CASR: variants seen among roughly 807,000 people sequenced by gnomAD.
CASR encodes the protein calcium sensing receptor.
In CASR, 23 loss-of-function variants were observed where a neutral mutation model predicts 69.1. The ratio of observed to expected loss-of-function variants is 0.33; its 90% confidence interval spans 0.24 to 0.47. CASR has a LOEUF of 0.47. Among genes scored for constraint, CASR ranks in the 20% least tolerant of loss-of-function variants. CASR has a pLI of 1.00. For synonymous variants in CASR, 541 were observed against 544.7 expected, an observed-to-expected ratio of 0.99 and a Z score of 0.10; for missense variants, 924 against 1,356.1, an observed-to-expected ratio of 0.68 and a Z score of 5.00.
Position 122,283,841 on chromosome 3 carries a change from T to C in CASR, c.1887T>C (p.Phe629=), listed in dbSNP as rs750220557. The C allele has an allele frequency of 1.2e-6, 2 of 1,614,098 alleles. No individual in the cohort carries two copies. The highest frequency in any genetic ancestry group is 4.5e-5 in the East Asian group (2 of 44,870). The stretch of plus-strand genomic sequence containing the variant: ...TGCTGGGCATTTTCCTGACAGCCTT[T>C]GTGCTGGGTGTGTTTATCAAGTTCC... The part of the protein sequence containing the change: ...FAVLGIFLTA[F]VLGVFIKFRN... Residue 629 remains phenylalanine (F), a synonymous_variant, in exon 7 of 7, where the codon TTT becomes TTC. Transcript: ENST00000639785.
intron 1 of CASR, among the ~76,000 whole-genome samples, chr3:122,193,068 T>A (rs1297041616): frequency 6.6e-6 from 1 of 152,214 alleles, no homozygotes; most frequent in African/African-American, 2.4e-5. Context: ...CTCACTCTAA[T>A]CCACTCCTTC....
chr3:122,188,248 A>G (rs1322192327), intron 1 of CASR, among the ~76,000 whole-genome samples: 1 of 152,232 alleles, frequency 6.6e-6, no homozygotes, highest in Non-Finnish European at 1.5e-5. Context: ...CGGTCATGGC[A>G]GCAGCCATGG....
In CASR at chr3:122,261,965, C is replaced by T. The variant is rs201737357; in HGVS notation, c.930C>T (p.Tyr310=). Residue 310 remains tyrosine, a synonymous_variant, in exon 4 of 7, where the codon TAC becomes TAT. Transcript: ENST00000639785. ...CCTCCCTGATCGCCATGCCTCAGTA[C>T]TTCCACGTGGTTGGCGGCACCATTG... ...ASSSLIAMPQ[Y]FHVVGGTIGF... The T allele has an allele frequency of 3.1e-6, 5 of 1,614,204 alleles. No individual in the cohort carries two copies. The highest frequency in any genetic ancestry group is 4.5e-5 in the East Asian group (2 of 44,882).
rs200883282 is a variant in CASR, at chr3:122,284,634, G to T, written c.2680G>T (p.Val894Phe). 7 of 1,614,020 alleles carry T rather than the reference G, an allele frequency of 4.3e-6. No individual in the cohort carries two copies. In the South Asian group the frequency reaches 6.6e-5, roughly 15 times the overall value. Reference sequence around the variant, plus strand: ...CCGGGCCACGCTGCGCCGCAGCAACGTCTCCCGCAAGCGGTCCAGCAGCCT... The same window carrying T: ...CCGGGCCACGCTGCGCCGCAGCAACTTCTCCCGCAAGCGGTCCAGCAGCCT... The part of the protein sequence containing the change: ...AARATLRRSN[V>F]SRKRSSSLGG... Residue 894 changes from valine to phenylalanine, a missense_variant, in exon 7 of 7, where the codon GTC (valine) becomes TTC (phenylalanine). Transcript: ENST00000639785.
chr3:122,210,659 C>G (rs1232480425), intron 1 of CASR, among the ~76,000 whole-genome samples: 2 of 152,208 alleles, frequency 1.3e-5, no homozygotes, highest in African/African-American at 4.8e-5. Context: ...AATGGCCTTA[C>G]TGCACAAAGT....
intron 1 of CASR, among the ~76,000 whole-genome samples, chr3:122,228,334 CAGCATATAATG>C (rs1170477356): frequency 1.4e-4 from 22 of 152,290 alleles, no homozygotes; most frequent in Admixed American, 1.4e-3. Context: ...TTTAAATTAT[CAGCATATAATG>C]AGCATTTTCC....
chr3:122,232,561 G>A (rs886770878), intron 1 of CASR, among the ~76,000 whole-genome samples: 4 of 152,216 alleles, frequency 2.6e-5, no homozygotes, highest in Non-Finnish European at 5.9e-5. Flanking sequence ...CAGGCTAGGT[G>A]CCAAGAGAGG....
At chr3:122,257,460 T>A (rs549715121) in intron 3 of CASR, 73 bp downstream of exon 3, 3 of 1,089,458 alleles carry the variant, frequency 2.8e-6, no homozygotes, top group African/African-American at 3.1e-5. Flanking sequence ...CCATGCCCAA[T>A]AGCCATACGG....
intron 1 of CASR, among the ~76,000 whole-genome samples, chr3:122,248,461 T>C (rs1045584947): frequency 1.3e-5 from 2 of 152,238 alleles, no homozygotes; most frequent in Non-Finnish European, 2.9e-5. Context: ...ACCCTACTGT[T>C]AGTATCTTTA....
intron 1 of CASR, among the ~76,000 whole-genome samples, chr3:122,228,644 G>A (rs2074250079): frequency 1.3e-5 from 2 of 152,228 alleles, no homozygotes; most frequent in Admixed American, 1.3e-4. Flanking sequence ...AGTAGAAGGG[G>A]CTGAACAGGA....
intron 1 of CASR, among the ~76,000 whole-genome samples, chr3:122,189,710 G>A (rs2073821952): frequency 6.6e-6 from 1 of 152,132 alleles, no homozygotes; most frequent in South Asian, 2.1e-4. Flanking sequence ...TTTTCTGTTG[G>A]TAGAGTTCCT....
At chr3:122,188,452 G>C (rs183738379) in intron 1 of CASR, among the ~76,000 whole-genome samples, 1 of 152,288 alleles carries the variant, frequency 6.6e-6, no homozygotes, top group Non-Finnish European at 1.5e-5. Flanking sequence ...CAGGACTGGG[G>C]ATCAGGAATC....
At chr3:122,196,506 G>T (rs1023774031) in intron 1 of CASR, among the ~76,000 whole-genome samples, 1 of 151,506 alleles carries the variant, frequency 6.6e-6, no homozygotes, top group African/African-American at 2.4e-5. Context: ...TTTTGGTTTT[G>T]GTTTTTGGGG....
At chr3:122,255,530 T>G (rs1010471574) in intron 2 of CASR, among the ~76,000 whole-genome samples, 5 of 152,212 alleles carry the variant, frequency 3.3e-5, no homozygotes, top group African/African-American at 1.2e-4. Context: ...ACATAACCCA[T>G]GTGGACAAAT....
In CASR at chr3:122,199,024, A is replaced by T. The variant is rs577885032; in HGVS notation, c.-243+15212A>T. Among the ~76,000 whole-genome samples the T allele has an allele frequency of 3.9e-4, 59 of 152,336 alleles. 1 individual carries two copies. Among genetic ancestry groups the T allele is most frequent in the Admixed American group, 3.5e-3 (54 of 15,298 alleles). ...TCAAATTCCCTCTTTTTATAGATTTATGATATTTACATATTCAGTTCATTA... is the reference window on the plus strand; with the variant it reads ...TCAAATTCCCTCTTTTTATAGATTTTTGATATTTACATATTCAGTTCATTA... On this transcript the variant is annotated intron_variant, in intron 1 of 6. Coordinates refer to ENST00000639785, the MANE Select transcript of CASR (RefSeq NM_000388.4).
rs1553761221 is a variant in CASR, at chr3:122,201,019, T to TA, written c.-243+17208dup. On this transcript the variant is annotated intron_variant, in intron 1 of 6. Coordinates refer to ENST00000639785, the MANE Select transcript of CASR (RefSeq NM_000388.4). ...CTTTTTTTTTTATTTTTTTTTTTTT[T>TA]ATTGATCATTCTTGGGTGTTTCTCG... Among the ~76,000 whole-genome samples the TA allele has an allele frequency of 1.8e-3, 253 of 139,212 alleles. 5 individuals carry two copies. Among genetic ancestry groups the TA allele is most frequent in the African/African-American group, 6.2e-3 (236 of 37,898 alleles). The allele number at this position is 139,212 out of a possible 152,430, so 91.3% of individuals were successfully genotyped here.
chr3:122,208,448 A>G (rs2074030470), intron 1 of CASR, among the ~76,000 whole-genome samples: 1 of 152,214 alleles, frequency 6.6e-6, no homozygotes, highest in Non-Finnish European at 1.5e-5. Context: ...TTTTTGTTAT[A>G]CTACTAAGCT....
chr3:122,222,409 A>T (rs1270495217), intron 1 of CASR, among the ~76,000 whole-genome samples: 2 of 152,178 alleles, frequency 1.3e-5, no homozygotes, highest in Non-Finnish European at 2.9e-5. Context: ...AGAAAAAAAA[A>T]TTCCTATTTG....
intron 1 of CASR, among the ~76,000 whole-genome samples, chr3:122,250,750 C>T (rs1275029477): frequency 1.3e-5 from 2 of 152,104 alleles, no homozygotes; most frequent in African/African-American, 4.8e-5. Flanking sequence ...TGCTTTTATT[C>T]GATAAACATT....
Sources: allele counts gnomAD v4.1 joint callset (sites outside exome capture counted in the v4.1 genomes callset), GRCh38; gene constraint gnomAD v4.1.1; transcripts MANE v1.5; gene names NCBI Gene and HGNC (gene_info 2026-07-23, HGNC 2026-07-21).